Variants in PTBP3 observed in about 807,000 individuals in gnomAD.
PTBP3 encodes polypyrimidine tract-binding protein 3.
A neutral mutation model predicts 58.7 loss-of-function variants in PTBP3; 20 were observed. That is an observed-to-expected ratio of 0.34 (90% CI 0.24 to 0.50). PTBP3 has a LOEUF of 0.50. PTBP3 is among the 20% of genes least tolerant of loss of function. The probability of loss-of-function intolerance (pLI) is 0.98; values close to 1 mark genes in which losing one functional copy is unlikely to be tolerated. For missense variants in PTBP3, 509 were observed against 637.2 expected, an observed-to-expected ratio of 0.80 and a Z score of 2.17; for synonymous variants, 185 against 219.8, an observed-to-expected ratio of 0.84 and a Z score of 1.40.
chr9:112,265,082 A>C (rs531677833), intron 4 of PTBP3, among the ~76,000 whole-genome samples: 2 of 152,322 alleles, frequency 1.3e-5, no homozygotes, highest in South Asian at 4.1e-4. Context: ...CCCAATTCCA[A>C]GTGTGTTTTT....
chr9:112,221,929 G>A lies in PTBP3; in HGVS notation c.*1922C>T, dbSNP rs1297139853. On this transcript the variant is annotated 3_prime_UTR_variant, in exon 14 of 14. Transcript: ENST00000374257. The stretch of plus-strand genomic sequence containing the variant: ...CTTAATTTTTACTTTTAAGAGAAGG[G>A]GTCACACTATGTTCCAGGGCTGGAG... 1 of 956,536 alleles carries A rather than the reference G, an allele frequency of 1.0e-6. No homozygotes were observed. Among genetic ancestry groups the A allele is most frequent in the East Asian group, 1.2e-4 (1 of 8,618 alleles). The allele number at this position is 956,536 out of a possible 1,614,324, so 59.3% of individuals were successfully genotyped here.
chr9:112,316,928 TGCCGCTGCACTCCAG>T (rs1331895736), intron 1 of PTBP3, among the ~76,000 whole-genome samples: 1 of 149,014 alleles, frequency 6.7e-6, no homozygotes, highest in Admixed American at 6.8e-5. Context: ...GCTGAGATCA[TGCCGCTGCACTCCAG>T]GTTGGGCGAC....
rs1369602113 is a variant in PTBP3, at chr9:112,219,897, A to G, written c.*3954T>C. 9.8e-6 allele frequency: 2 copies of G among 205,060 alleles called. No individual in the cohort carries two copies. The highest frequency in any genetic ancestry group is 1.3e-4 in the Admixed American group (2 of 15,592). The allele number at this position is 205,060 out of a possible 1,614,324, so 12.7% of individuals were successfully genotyped here. ...CTAGCTGTTAAAATTTGCTCTGAAA[A>G]AAGACTGCTAATAGTCTTGTAGATA... On this transcript the variant is annotated 3_prime_UTR_variant, in exon 14 of 14. Transcript: ENST00000374257.
At chr9:112,296,899 T>C (rs1828714362) in intron 2 of PTBP3, among the ~76,000 whole-genome samples, 1 of 152,178 alleles carries the variant, frequency 6.6e-6, no homozygotes, top group African/African-American at 2.4e-5. Context: ...TCAATTACTA[T>C]CAATTTTATC....
chr9:112,371,402 G>A, the PTBP3 span, among the ~76,000 whole-genome samples: 1 of 152,070 alleles, frequency 6.6e-6, no homozygotes, highest in Non-Finnish European at 1.5e-5. Context: ...CCTACTAATT[G>A]CACTTGGATT....
Position 112,221,990 on chromosome 9 carries a change from T to C in PTBP3, c.*1861A>G. On this transcript the variant is annotated 3_prime_UTR_variant, in exon 14 of 14. Coordinates refer to ENST00000374257, the MANE Select transcript of PTBP3 (RefSeq NM_001163788.4). ...ATTCACAAATGTGATCATAGCGCAC[T>C]GCAGCCTTGAACTCCTGGGCTCAAG... 1 of 915,630 alleles carries C rather than the reference T, an allele frequency of 1.1e-6. No homozygotes were observed. Among genetic ancestry groups the C allele is most frequent in the Non-Finnish European group, 1.3e-6 (1 of 766,206 alleles). 56.7% of individuals were successfully genotyped at this position (915,630 alleles called of 1,614,324 possible). A position where few individuals can be genotyped will look rare whatever the true frequency, so the allele number is the denominator to read the frequency against.
chr9:112,232,368 C>T (rs1411395073), intron 8 of PTBP3, 130 bp from the exon 9 acceptor site: 2 of 954,652 alleles, frequency 2.1e-6, no homozygotes, highest in South Asian at 3.6e-5. Context: ...CATAAAGATA[C>T]TGAAGGCCAG....
the PTBP3 span, among the ~76,000 whole-genome samples, chr9:112,371,040 G>A: frequency 6.6e-6 from 1 of 151,920 alleles, no homozygotes; most frequent in Non-Finnish European, 1.5e-5. Flanking sequence ...GGTTTTTCTA[G>A]ATATAAGATC....
At chr9:112,274,440 T>C (rs560040829) in intron 3 of PTBP3, among the ~76,000 whole-genome samples, 4 of 152,280 alleles carry the variant, frequency 2.6e-5, no homozygotes, top group African/African-American at 7.2e-5. Context: ...ATAAACAGTA[T>C]AAAAGATTTT....
chr9:112,340,723 C>G, the PTBP3 span, among the ~76,000 whole-genome samples: 1 of 152,098 alleles, frequency 6.6e-6, no homozygotes, highest in East Asian at 1.9e-4. Flanking sequence ...CTACTAAAAG[C>G]ACAAAATTAG....
intron 5 of PTBP3, among the ~76,000 whole-genome samples, chr9:112,253,180 A>T (rs1296312341): frequency 6.6e-6 from 1 of 152,240 alleles, no homozygotes; most frequent in South Asian, 2.1e-4. Flanking sequence ...GTTCAACTAG[A>T]GGCTGCTCTA....
intron 1 of PTBP3, among the ~76,000 whole-genome samples, chr9:112,324,535 A>G (rs1200889328): frequency 6.6e-6 from 1 of 152,152 alleles, no homozygotes; most frequent in Non-Finnish European, 1.5e-5. Flanking sequence ...CTGTAGTCCC[A>G]GTTAGTTGGG....
At chr9:112,265,443 G>A (rs1323233432) in intron 4 of PTBP3, among the ~76,000 whole-genome samples, 1 of 121,282 alleles carries the variant, frequency 8.2e-6, no homozygotes, top group Non-Finnish European at 1.7e-5. Flanking sequence ...GCGGGGGGTG[G>A]GGGATGGGAG....
chr9:112,261,896 C>A (rs1169619393), intron 5 of PTBP3, among the ~76,000 whole-genome samples: 1 of 152,132 alleles, frequency 6.6e-6, no homozygotes, highest in African/African-American at 2.4e-5. Flanking sequence ...AACTAAGTAA[C>A]CTTCAATTCT....
chr9:112,360,359 AT>A, the PTBP3 span, among the ~76,000 whole-genome samples: 5 of 151,162 alleles, frequency 3.3e-5, no homozygotes, highest in South Asian at 2.1e-4. Flanking sequence ...TAATTTTTAA[AT>A]TTTTTTTTGT....
intron 7 of PTBP3, among the ~76,000 whole-genome samples, chr9:112,244,299 A>AAAAAAAAAAAAAAAAAAAAC (rs1835787779): frequency 6.8e-6 from 1 of 147,352 alleles, no homozygotes; most frequent in South Asian, 2.2e-4. Context: ...CAAAAAAAAA[A>AAAAAAAAAAAAAAAAAAAAC]AAAAAAAAGT....
At chr9:112,243,981 C>T (rs759225255) in intron 7 of PTBP3, among the ~76,000 whole-genome samples, 5 of 151,934 alleles carry the variant, frequency 3.3e-5, no homozygotes, top group Admixed American at 6.6e-5. Context: ...CACACTATGC[C>T]ATGTAAAATA....
chr9:112,357,037 A>C, the PTBP3 span, among the ~76,000 whole-genome samples: 1 of 150,848 alleles, frequency 6.6e-6, no homozygotes, highest in Non-Finnish European at 1.5e-5. Context: ...CCGCCACCAC[A>C]CCCGGCTAAT....
intron 3 of PTBP3, among the ~76,000 whole-genome samples, chr9:112,271,950 ACTGAG>A (rs1827403527): frequency 6.6e-6 from 1 of 152,054 alleles, no homozygotes; most frequent in Non-Finnish European, 1.5e-5. Context: ...CTCAGGAAAA[ACTGAG>A]CTGGCAAAAG....
Sources: allele counts gnomAD v4.1 joint callset (sites outside exome capture counted in the v4.1 genomes callset), GRCh38; gene constraint gnomAD v4.1.1; transcripts MANE v1.5; gene names NCBI Gene and HGNC (gene_info 2026-07-23, HGNC 2026-07-21).